The following GRID1 variants were observed in gnomAD, a reference collection of about 807,000 sequenced individuals.
GRID1 encodes glutamate receptor ionotropic, delta-1.
A neutral mutation model predicts 98.0 loss-of-function variants in GRID1; 28 were observed. The ratio of observed to expected loss-of-function variants is 0.29; its 90% CI spans 0.21 to 0.39. The LOEUF is 0.39. GRID1 is among the 10% of genes least tolerant of loss of function. GRID1 has a pLI of 1.00. For synonymous variants in GRID1, 553 were observed against 538.5 expected, an observed-to-expected ratio of 1.03 and a Z score of -0.37; for missense variants, 1,111 against 1,340.5, an observed-to-expected ratio of 0.83 and a Z score of 2.67.
intron 8 of GRID1, among the ~76,000 whole-genome samples, chr10:85,793,227 C>G (rs1842497108): frequency 6.6e-6 from 1 of 152,196 alleles, no homozygotes; most frequent in African/African-American, 2.4e-5. Flanking sequence ...CATGTGCACT[C>G]CTTGAGTGGC....
chr10:86,100,638 T>C (rs1844283433), intron 4 of GRID1, among the ~76,000 whole-genome samples: 1 of 152,128 alleles, frequency 6.6e-6, no homozygotes, highest in Non-Finnish European at 1.5e-5. Context: ...TGGGGACTGT[T>C]TGGATTATTG....
At chr10:85,923,081 C>G (rs998373193) in intron 4 of GRID1, among the ~76,000 whole-genome samples, 3 of 151,944 alleles carry the variant, frequency 2.0e-5, no homozygotes, top group Non-Finnish European at 4.4e-5. Context: ...TCTTGGATCC[C>G]AGAAGGTCTC....
chr10:86,327,825 G>A (rs1458956000), intron 2 of GRID1, among the ~76,000 whole-genome samples: 1 of 152,206 alleles, frequency 6.6e-6, no homozygotes, highest in African/African-American at 2.4e-5. Context: ...CGCTGGGTGT[G>A]CAAATTGATT....
chr10:86,021,055 CCT>C (rs1843042142), intron 4 of GRID1, among the ~76,000 whole-genome samples: 1 of 174 alleles, frequency 5.7e-3, no homozygotes, highest in African/African-American at 0.024. Flanking sequence ...GACCTGCCTG[CCT>C]GCCTGCCTGC....
chr10:86,248,406 TA>T (rs1220233264), intron 2 of GRID1, among the ~76,000 whole-genome samples: 2 of 152,150 alleles, frequency 1.3e-5, no homozygotes, highest in Admixed American at 6.5e-5. Context: ...CTGGAGTGGT[TA>T]AAACAATAAT....
chr10:85,769,949 G>C (rs1304422646), intron 8 of GRID1, among the ~76,000 whole-genome samples: 1 of 152,330 alleles, frequency 6.6e-6, no homozygotes, highest in East Asian at 1.9e-4. Flanking sequence ...AAATGTCCCT[G>C]TCTGACAGCT....
intron 8 of GRID1, among the ~76,000 whole-genome samples, chr10:85,815,022 G>A (rs914532761): frequency 2.0e-5 from 3 of 151,934 alleles, no homozygotes; most frequent in Non-Finnish European, 2.9e-5. Context: ...AAACTGAAAG[G>A]AGCCACATAT....
intron 2 of GRID1, among the ~76,000 whole-genome samples, chr10:86,336,482 T>C (rs563293593): frequency 1.4e-4 from 22 of 152,294 alleles, no homozygotes; most frequent in East Asian, 7.7e-4. Flanking sequence ...AGCAGGCAGC[T>C]GAAGAAGAAA....
chr10:86,068,461 C>T (rs1415289139), intron 4 of GRID1, among the ~76,000 whole-genome samples: 1 of 152,228 alleles, frequency 6.6e-6, no homozygotes, highest in South Asian at 2.1e-4. Context: ...AGAACCTTCA[C>T]ATATTGCTTG....
At chr10:86,043,600 G>A (rs1316981750) in intron 4 of GRID1, among the ~76,000 whole-genome samples, 2 of 152,314 alleles carry the variant, frequency 1.3e-5, no homozygotes, top group Admixed American at 6.5e-5. Context: ...GACCTACCTT[G>A]GCTCTGCATC....
chr10:85,760,853 T>C (rs1842140833), intron 8 of GRID1, among the ~76,000 whole-genome samples: 1 of 152,192 alleles, frequency 6.6e-6, no homozygotes, highest in Non-Finnish European at 1.5e-5. Context: ...TGCCAGAGCA[T>C]CAGCAGGGCC....
chr10:85,985,600 C>A (rs1413345462), intron 4 of GRID1, among the ~76,000 whole-genome samples: 1 of 152,122 alleles, frequency 6.6e-6, no homozygotes, highest in African/African-American at 2.4e-5. Context: ...ATCTGGGTTC[C>A]CAGGATGGCC....
At chr10:86,075,480 G>C (rs188315006) in intron 4 of GRID1, among the ~76,000 whole-genome samples, 1 of 152,210 alleles carries the variant, frequency 6.6e-6, no homozygotes, top group Admixed American at 6.5e-5. Context: ...ACAGCCCTCA[G>C]AAGGAACCAA....
intron 4 of GRID1, among the ~76,000 whole-genome samples, chr10:86,038,053 A>T (rs1843293314): frequency 6.6e-6 from 1 of 152,218 alleles, no homozygotes; most frequent in African/African-American, 2.4e-5. Context: ...CATAAGGAAG[A>T]TCGCATGAAG....
chr10:85,772,955 C>T (rs1184829988), intron 8 of GRID1, among the ~76,000 whole-genome samples: 1 of 152,290 alleles, frequency 6.6e-6, no homozygotes, highest in East Asian at 1.9e-4. Context: ...AAGAGGGAAT[C>T]CTCCCTAACT....
At chr10:86,222,754 T>C (rs1307399823) in intron 2 of GRID1, among the ~76,000 whole-genome samples, 3 of 152,090 alleles carry the variant, frequency 2.0e-5, no homozygotes, top group Non-Finnish European at 2.9e-5. Flanking sequence ...TTCCCCAAGT[T>C]GGAGTGGACA....
At chr10:86,074,841 A>C (rs1387349805) in intron 4 of GRID1, among the ~76,000 whole-genome samples, 1 of 152,234 alleles carries the variant, frequency 6.6e-6, no homozygotes, top group Admixed American at 6.5e-5. Flanking sequence ...GAAGTGTTCA[A>C]ATGAATGAAT....
chr10:86,137,742 G>A (rs996933882), intron 4 of GRID1, among the ~76,000 whole-genome samples: 7 of 152,174 alleles, frequency 4.6e-5, no homozygotes, highest in African/African-American at 9.7e-5. Context: ...GACCACCGGC[G>A]TGATTCGGGG....
At chr10:86,136,818 C>A (rs1245836223) in intron 4 of GRID1, among the ~76,000 whole-genome samples, 1 of 152,178 alleles carries the variant, frequency 6.6e-6, no homozygotes, top group African/African-American at 2.4e-5. Context: ...CTGTAGAATA[C>A]TAGAGGGTGG....
Sources: allele counts gnomAD v4.1 joint callset (sites outside exome capture counted in the v4.1 genomes callset), GRCh38; gene constraint gnomAD v4.1.1; transcripts MANE v1.5; gene names NCBI Gene and HGNC (gene_info 2026-07-23, HGNC 2026-07-21).